The following KCNAB1 variants were observed in gnomAD, a reference collection of about 807,000 sequenced individuals.
KCNAB1 encodes voltage-gated potassium channel subunit beta-1.
Under a neutral mutation model 64.6 loss-of-function variants are expected in KCNAB1, and 35 were observed. The ratio of observed to expected loss-of-function variants is 0.54; its 90% CI spans 0.41 to 0.72. KCNAB1 has a LOEUF of 0.72. Ranked by LOEUF, KCNAB1 falls within the 30% of genes least tolerant of loss-of-function variation. The pLI is 0.00. For synonymous variants in KCNAB1, 177 were observed against 183.8 expected (o/e 0.96, Z 0.30); for missense variants, 401 against 512.9 (o/e 0.78, Z 2.11).
At chr3:156,405,043 G>A (rs1006392819) in intron 1 of KCNAB1, among the ~76,000 whole-genome samples, 1 of 152,192 alleles carries the variant, frequency 6.6e-6, no homozygotes, top group Admixed American at 6.5e-5. Flanking sequence ...AGTTAACATT[G>A]CTAGATGGTG....
chr3:156,215,945 G>A (rs978476356), intron 1 of KCNAB1, among the ~76,000 whole-genome samples: 1 of 152,174 alleles, frequency 6.6e-6, no homozygotes, highest in Non-Finnish European at 1.5e-5. Flanking sequence ...TGATTTTTAT[G>A]AAATTGCTGA....
intron 1 of KCNAB1, among the ~76,000 whole-genome samples, chr3:156,245,901 G>A (rs1303858230): frequency 2.0e-5 from 3 of 152,020 alleles, no homozygotes; most frequent in Admixed American, 6.5e-5. Context: ...GGATCATGGT[G>A]TTGAGTTGTT....
chr3:156,523,812 T>C lies in KCNAB1; in HGVS notation c.961-15T>C, dbSNP rs1391195138. ...TTACCAGACATTAACATTTCAATGT[T>C]ATGCTTTTCCCCAGTGCTACCAGTG... On this transcript the variant is annotated splice_polypyrimidine_tract_variant and intron_variant, in intron 11 of 13. Transcript: ENST00000490337. 1.9e-6 allele frequency: 3 copies of C among 1,607,934 alleles called. No individual in the cohort carries two copies. The highest frequency in any genetic ancestry group is 2.6e-6 in the Non-Finnish European group (3 of 1,176,434).
At chr3:156,252,350 G>A (rs1717880028) in intron 1 of KCNAB1, among the ~76,000 whole-genome samples, 2 of 152,198 alleles carry the variant, frequency 1.3e-5, no homozygotes, top group South Asian at 4.1e-4. Flanking sequence ...TGCTGGCTGA[G>A]AGGAAAGTAG....
At chr3:156,394,641 C>T (rs545944895) in intron 1 of KCNAB1, among the ~76,000 whole-genome samples, 20 of 152,310 alleles carry the variant, frequency 1.3e-4, no homozygotes, top group African/African-American at 4.6e-4. Flanking sequence ...AAGTTCAACA[C>T]GTTTGTCCCA....
chr3:156,286,804 A>G lies in KCNAB1; in HGVS notation c.276-134812A>G, dbSNP rs539267445. ...GCCCCTCTCATAAGGAAGTTCTTGC[A>G]GTGGGGATCACTATGCACAGTGGGT... On this transcript the variant is annotated intron_variant, in intron 1 of 13. Coordinates refer to ENST00000490337, the MANE Select transcript of KCNAB1 (RefSeq NM_172160.3). Among the ~76,000 whole-genome samples, 10 of 152,324 alleles carry G rather than the reference A, an allele frequency of 6.6e-5. No individual in the cohort carries two copies. In the South Asian group the frequency reaches 2.1e-3, roughly 32 times the overall value.
intron 1 of KCNAB1, among the ~76,000 whole-genome samples, chr3:156,335,811 A>G (rs1723659155): frequency 6.6e-6 from 1 of 151,842 alleles, no homozygotes; most frequent in Admixed American, 6.6e-5. Context: ...CTTCAAAAAA[A>G]CAGTGCTAAC....
At chr3:156,299,493 C>T (rs1721015488) in intron 1 of KCNAB1, among the ~76,000 whole-genome samples, 1 of 151,460 alleles carries the variant, frequency 6.6e-6, no homozygotes, top group African/African-American at 2.4e-5. Context: ...AAGAGATCTA[C>T]AAAACCATAG....
intron 1 of KCNAB1, among the ~76,000 whole-genome samples, chr3:156,131,214 G>A (rs185302925): frequency 7.9e-5 from 12 of 152,256 alleles, no homozygotes; most frequent in East Asian, 7.7e-4. Flanking sequence ...GAAACAACAC[G>A]GTTTTGAGGA....
chr3:156,468,061 A>G lies in KCNAB1; in HGVS notation c.571+2375A>G, dbSNP rs146386869. On this transcript the variant is annotated intron_variant, in intron 7 of 13. Coordinates refer to ENST00000490337, the MANE Select transcript of KCNAB1 (RefSeq NM_172160.3). ...TGATGTTCACTTTTTGCTTGGTCATATGTATTGCAAATATTTTCTCTCAGG... is the reference window on the plus strand; with the variant it reads ...TGATGTTCACTTTTTGCTTGGTCATGTGTATTGCAAATATTTTCTCTCAGG... 4.7e-3 allele frequency among the ~76,000 whole-genome samples: 710 copies of G among 152,130 alleles called. 4 individuals carry two copies. Among genetic ancestry groups the G allele is most frequent in the Admixed American group, 0.018 (282 of 15,270 alleles).
intron 1 of KCNAB1, among the ~76,000 whole-genome samples, chr3:156,125,290 A>T (rs1713589934): frequency 6.6e-6 from 1 of 152,222 alleles, no homozygotes; most frequent in African/African-American, 2.4e-5. Context: ...AAAATTAAGG[A>T]TGGATGACTC....
intron 8 of KCNAB1, among the ~76,000 whole-genome samples, chr3:156,491,218 G>A (rs894095841): frequency 6.6e-6 from 1 of 152,042 alleles, no homozygotes; most frequent in African/African-American, 2.4e-5. Flanking sequence ...TCATTAAAGG[G>A]AGGAGAAGAA....
chr3:156,204,882 C>A (rs1343277557), intron 1 of KCNAB1, among the ~76,000 whole-genome samples: 1 of 152,012 alleles, frequency 6.6e-6, no homozygotes, highest in Non-Finnish European at 1.5e-5. Context: ...AAATAAGGGG[C>A]AAGCTAAGTT....
At chr3:156,319,156 A>C (rs1229524894) in intron 1 of KCNAB1, among the ~76,000 whole-genome samples, 1 of 152,192 alleles carries the variant, frequency 6.6e-6, no homozygotes, top group East Asian at 1.9e-4. Flanking sequence ...TACAGGAGGA[A>C]CCATCCCTCC....
At chr3:156,286,164 C>T (rs985940152) in intron 1 of KCNAB1, among the ~76,000 whole-genome samples, 2 of 152,160 alleles carry the variant, frequency 1.3e-5, no homozygotes, top group African/African-American at 2.4e-5. Flanking sequence ...ATGGCTTCTC[C>T]ATTTTACTTT....
chr3:156,425,288 C>T (rs1387295497), intron 2 of KCNAB1, among the ~76,000 whole-genome samples: 1 of 152,192 alleles, frequency 6.6e-6, no homozygotes, highest in Non-Finnish European at 1.5e-5. Context: ...TTCTTCTCTA[C>T]CAGAGAAGGG....
At chr3:156,207,802 A>C (rs568971515) in intron 1 of KCNAB1, among the ~76,000 whole-genome samples, 4 of 152,292 alleles carry the variant, frequency 2.6e-5, no homozygotes, top group African/African-American at 7.2e-5. Flanking sequence ...AATTCAGGCT[A>C]ACTTTAGGAA....
Position 156,538,553 on chromosome 3 carries a change from T to C in KCNAB1, c.*1806T>C, listed in dbSNP as rs187202059. The C allele has an allele frequency of 6.6e-6, 1 of 152,200 alleles. No homozygotes were observed. The highest frequency in any genetic ancestry group is 1.5e-5 in the Non-Finnish European group (1 of 68,012). The allele number at this position is 152,200 out of a possible 1,614,324, so 9.4% of individuals were successfully genotyped here. ...GGTGCTGTCTAATGGGAAATGTGAT[T>C]TGATTGATTTATTTGCTTAGAGTAA... On this transcript the variant is annotated 3_prime_UTR_variant, in exon 14 of 14. Transcript: ENST00000490337.
At chr3:156,350,204 A>G (rs1476360519) in intron 1 of KCNAB1, among the ~76,000 whole-genome samples, 2 of 152,180 alleles carry the variant, frequency 1.3e-5, no homozygotes, top group Non-Finnish European at 2.9e-5. Flanking sequence ...ATGAGTACAG[A>G]TGTTTAAAAC....
Sources: allele counts gnomAD v4.1 joint callset (sites outside exome capture counted in the v4.1 genomes callset), GRCh38; gene constraint gnomAD v4.1.1; transcripts MANE v1.5; gene names NCBI Gene and HGNC (gene_info 2026-07-23, HGNC 2026-07-21).